UNC45B: variants seen among roughly 807,000 people sequenced by gnomAD.
UNC45B encodes unc-45 myosin chaperone B, also known as protein unc-45 homolog B.
Under a neutral mutation model 98.7 loss-of-function variants are expected in UNC45B, and 78 were observed. That is an observed-to-expected ratio of 0.79 (90% CI 0.66 to 0.95). The LOEUF (loss-of-function observed/expected upper bound fraction) is 0.95, where lower values mean the gene tolerates loss of function less well. Among genes scored for constraint, UNC45B ranks in the 40% least tolerant of loss-of-function variants. The pLI is 0.00. For synonymous variants in UNC45B, 462 were observed against 480.4 expected, an observed-to-expected ratio of 0.96 and a Z score of 0.50; for missense variants, 1,225 against 1,184.9, an observed-to-expected ratio of 1.03 and a Z score of -0.50.
chr17:35,153,200 T>A (rs951568355), intron 5 of UNC45B, among the ~76,000 whole-genome samples: 1 of 152,194 alleles, frequency 6.6e-6, no homozygotes, highest in Non-Finnish European at 1.5e-5. Flanking sequence ...TTGGATCCTG[T>A]CTTTATTTGA....
At chr17:35,168,804 T>C (rs2092161120) in intron 10 of UNC45B, among the ~76,000 whole-genome samples, 3 of 152,204 alleles carry the variant, frequency 2.0e-5, no homozygotes, top group Non-Finnish European at 1.5e-5. Flanking sequence ...CCTCCCAGGT[T>C]CAGGTGACTC....
At chr17:35,169,198 C>T (rs1378868766) in intron 10 of UNC45B, among the ~76,000 whole-genome samples, 1 of 151,912 alleles carries the variant, frequency 6.6e-6, no homozygotes, top group African/African-American at 2.4e-5. Flanking sequence ...TGCCACCACA[C>T]CCTGCTAATT....
At chr17:35,151,973 C>T (rs751460015) in intron 4 of UNC45B, among the ~76,000 whole-genome samples, 5 of 152,096 alleles carry the variant, frequency 3.3e-5, no homozygotes, top group Non-Finnish European at 7.4e-5. Context: ...AGGCTGGGTG[C>T]GGTGGCTCAC....
At chr17:35,178,049 G>A (rs1372975842) in intron 17 of UNC45B, among the ~76,000 whole-genome samples, 5 of 151,968 alleles carry the variant, frequency 3.3e-5, no homozygotes, top group Admixed American at 6.6e-5. Context: ...ACAGGAGTAC[G>A]CCACCATACC....
intron 19 of UNC45B, among the ~76,000 whole-genome samples, chr17:35,184,243 G>A (rs940149599): frequency 6.6e-6 from 1 of 152,168 alleles, no homozygotes; most frequent in Admixed American, 6.5e-5. Context: ...GTTCCAAGGG[G>A]GGTTACGTTG....
chr17:35,168,843 A>G (rs1041189274), intron 10 of UNC45B, among the ~76,000 whole-genome samples: 1 of 152,036 alleles, frequency 6.6e-6, no homozygotes, highest in African/African-American at 2.4e-5. Flanking sequence ...AGTAGCTGGA[A>G]TTACAGACGT....
At chr17:35,157,507 T>C (rs1470988897) in intron 7 of UNC45B, among the ~76,000 whole-genome samples, 1 of 152,146 alleles carries the variant, frequency 6.6e-6, no homozygotes, top group Non-Finnish European at 1.5e-5. Flanking sequence ...TGGCCACATT[T>C]ATAATTATTT....
At chr17:35,170,294 G>A in intron 12 of UNC45B, 39 bp downstream of exon 12, 1 of 1,565,782 alleles carries the variant, frequency 6.4e-7, no homozygotes, top group Non-Finnish European at 8.7e-7. Context: ...CAAACCTCAG[G>A]AAAGGTCTGC....
chr17:35,163,963 G>A (rs1210808765), intron 8 of UNC45B, 32 bp from the exon 9 acceptor site: 1 of 1,574,256 alleles, frequency 6.4e-7, no homozygotes, highest in African/African-American at 1.4e-5. Context: ...AGCCCAGCAG[G>A]AATCTTAGGC....
chr17:35,184,646 C>T (rs75094530), intron 19 of UNC45B, among the ~76,000 whole-genome samples: 11,424 of 152,278 alleles, frequency 0.075, 547 homozygotes, highest in East Asian at 0.16. Context: ...GTCATCATCC[C>T]TATTTTACAA....
At chr17:35,164,321 C>T (rs2092123576) in intron 9 of UNC45B, 155 bp downstream of exon 9, 1 of 826,406 alleles carries the variant, frequency 1.2e-6, no homozygotes, top group Non-Finnish European at 1.8e-6. Context: ...GTGGCTCTGG[C>T]TTATGGTCTT....
chr17:35,155,561 G>T, intron 7 of UNC45B, 97 bp downstream of exon 7: 1 of 1,294,658 alleles, frequency 7.7e-7, no homozygotes, highest in Non-Finnish European at 1.1e-6. Context: ...GGGGTGGCTT[G>T]GTTTTATGTA....
intron 9 of UNC45B, chr17:35,164,750 C>T (rs547825628): frequency 6.6e-6 from 1 of 152,314 alleles, no homozygotes; most frequent in East Asian, 1.9e-4. Flanking sequence ...GAGACAGAGT[C>T]TCACTCTGTT....
chr17:35,178,411 T>C (rs1165494278), intron 17 of UNC45B, among the ~76,000 whole-genome samples: 3 of 152,252 alleles, frequency 2.0e-5, no homozygotes, highest in Admixed American at 1.3e-4. Context: ...TAAATTTGTT[T>C]AAGTTCTTTG....
At chr17:35,149,108 T>C in intron 3 of UNC45B, 99 bp downstream of exon 3, 1 of 1,381,500 alleles carries the variant, frequency 7.2e-7, no homozygotes, top group South Asian at 1.2e-5. Flanking sequence ...ACAGTGAGTA[T>C]GGAGTGACTT....
chr17:35,165,728 A>G (rs536091551), intron 9 of UNC45B, among the ~76,000 whole-genome samples: 2 of 152,334 alleles, frequency 1.3e-5, no homozygotes, highest in East Asian at 1.9e-4. Context: ...ACCTGAGGTC[A>G]GGAGTTCAAG....
intron 4 of UNC45B, among the ~76,000 whole-genome samples, chr17:35,151,659 C>T (rs1014866128): frequency 6.6e-6 from 1 of 152,188 alleles, no homozygotes; most frequent in African/African-American, 2.4e-5. Flanking sequence ...CTCCAAGACT[C>T]AATAACTTCT....
intron 9 of UNC45B, among the ~76,000 whole-genome samples, chr17:35,167,615 C>CAAAA (rs79485102): frequency 9.2e-5 from 11 of 119,184 alleles, no homozygotes; most frequent in Non-Finnish European, 1.6e-4. Context: ...GACTCAGTCT[C>CAAAA]AAAAAAAAAA....
At chr17:35,157,003 G>C (rs2092067629) in intron 7 of UNC45B, among the ~76,000 whole-genome samples, 1 of 152,074 alleles carries the variant, frequency 6.6e-6, no homozygotes, top group Non-Finnish European at 1.5e-5. Context: ...TGCACATCCA[G>C]GTCCTAGGCA....
Sources: allele counts gnomAD v4.1 joint callset (sites outside exome capture counted in the v4.1 genomes callset), GRCh38; gene constraint gnomAD v4.1.1; transcripts MANE v1.5; gene names NCBI Gene and HGNC (gene_info 2026-07-23, HGNC 2026-07-21).